Variants in DHX8 observed in about 807,000 individuals in gnomAD.
DHX8 encodes DEAH-box helicase 8, also known as ATP-dependent RNA helicase DHX8.
DHX8 carries 67 observed loss-of-function variants against 140.7 expected under a neutral mutation model. That is an observed-to-expected ratio of 0.48 (90% CI 0.39 to 0.58). The LOEUF is 0.58. Among genes scored for constraint, DHX8 ranks in the 20% least tolerant of loss-of-function variants. The pLI is 0.00. For synonymous variants in DHX8, 533 were observed against 553.2 expected (o/e 0.96, Z 0.51); for missense variants, 887 against 1,550.7 (o/e 0.57, Z 7.19).
At chr17:43,526,605 G>A (rs1430548605), downstream of DHX8, 3 of 1,535,506 alleles carry the variant, frequency 2.0e-6, no homozygotes, top group African/African-American at 1.4e-5. Context: ...TTAATGAACA[G>A]TTCAGAGGGC....
Position 43,493,754 on chromosome 17 carries a change from G to A in DHX8, c.1080G>A (p.Glu360=), listed in dbSNP as rs148880713. The A allele has an allele frequency of 1.9e-6, 3 of 1,614,230 alleles. No homozygotes were observed. The highest frequency in any genetic ancestry group is 2.7e-5 in the African/African-American group (2 of 75,062). Residue 360 remains glutamate (E), a synonymous_variant, in exon 8 of 23, where the codon GAG becomes GAA. Coordinates refer to ENST00000262415, the MANE Select transcript of DHX8 (RefSeq NM_004941.3). ...RRRNLVGETN[E]ETSMRNPDRP... Reference sequence around the variant, plus strand: ...GAAATCTTGTCGGGGAGACCAATGAGGAGACCTCAATGCGGAATCCTGATA... The same window carrying A: ...GAAATCTTGTCGGGGAGACCAATGAAGAGACCTCAATGCGGAATCCTGATA...
chr17:43,543,051 C>T (rs1208920308), intron 3 of DHX8, among the ~76,000 whole-genome samples: 3 of 152,070 alleles, frequency 2.0e-5, no homozygotes, highest in African/African-American at 7.2e-5. Flanking sequence ...CTGCATCTGT[C>T]TCCGCAGAGA....
chr17:43,508,352 C>T lies in DHX8; in HGVS notation c.2334C>T (p.Val778=), dbSNP rs753783040. 1.1e-5 allele frequency: 17 copies of T among 1,612,276 alleles called. No homozygotes were observed. The Admixed American group carries it at 1.8e-4, about 17-fold the overall frequency. ...HLTEPPGDIL[V]FLTGQEEIDT... ...TTCTGCTCGTAGGTGATATCCTGGT[C>T]TTCCTGACTGGTCAGGAAGAAATTG... Residue 778 remains valine, a synonymous_variant, in exon 16 of 23, where the codon GTC becomes GTT. Transcript: ENST00000262415.
chr17:43,496,410 A>C, intron 9 of DHX8, 142 bp downstream of exon 9: 3 of 605,474 alleles, frequency 5.0e-6, no homozygotes, highest in Admixed American at 3.2e-5. Context: ...AAAGGATCTC[A>C]CCATGATGGA....
chr17:43,508,260 T>C (rs1007247777), intron 15 of DHX8, 79 bp from the exon 16 acceptor site: 2 of 1,523,340 alleles, frequency 1.3e-6, no homozygotes, highest in African/African-American at 2.8e-5. Flanking sequence ...ATTTGAAGTT[T>C]TATTAATATC....
chr17:43,492,703 C>T lies in DHX8; in HGVS notation c.526C>T (p.Arg176Trp), dbSNP rs191977650. The T allele has an allele frequency of 2.9e-5, 45 of 1,578,270 alleles. No individual in the cohort carries two copies. Among genetic ancestry groups the T allele is most frequent in the East Asian group, 1.3e-4 (6 of 44,718 alleles). The part of the protein sequence containing the change: ...EHRDRTKKKK[R>W]SRSRDRNRDR... ...TAGGGACAGGACAAAGAAGAAGAAG[C>T]GGAGTCGAAGCCGAGATCGAAACCG... The change falls in exon 6 of 23, where the codon CGG (arginine) becomes TGG (tryptophan). Residue 176 changes from arginine (R) to tryptophan (W), a missense_variant. Physicochemically the swap from Arg to Trp is moderately radical, Grantham distance 101 (BLOSUM62 -3). This residue lies in a region of DHX8 where 304 missense variants were observed against 306.9 expected (regional missense o/e 0.99). Coordinates refer to ENST00000262415, the MANE Select transcript of DHX8 (RefSeq NM_004941.3).
At chr17:43,494,615 C>T (rs977260554) in intron 8 of DHX8, among the ~76,000 whole-genome samples, 8 of 149,548 alleles carry the variant, frequency 5.3e-5, no homozygotes, top group Non-Finnish European at 1.0e-4. Flanking sequence ...CAGCTACTCA[C>T]GACGCTGAGG....
intron 11 of DHX8, among the ~76,000 whole-genome samples, 193 bp from the exon 12 acceptor site, chr17:43,504,451 A>G (rs1401940577): frequency 6.6e-6 from 1 of 152,212 alleles, no homozygotes; most frequent in Non-Finnish European, 1.5e-5. Context: ...CACTTGTTAC[A>G]GTCTCTTTCC....
At chr17:43,518,102 C>A (rs1464456953) in intron 18 of DHX8, 3 of 152,074 alleles carry the variant, frequency 2.0e-5, no homozygotes, top group South Asian at 2.1e-4. Flanking sequence ...GTGTTCTGCT[C>A]TGAAAAAGGG....
At chr17:43,500,139 A>C (rs776054497) in intron 11 of DHX8, 36 bp downstream of exon 11, 24 of 1,601,470 alleles carry the variant, frequency 1.5e-5, no homozygotes, top group Non-Finnish European at 2.0e-5. Flanking sequence ...ACCTTGTTTA[A>C]AAATCTGAGC....
intron 22 of DHX8, 112 bp downstream of exon 22, chr17:43,522,338 C>T (rs1598179165): frequency 9.6e-7 from 1 of 1,038,718 alleles, no homozygotes; most frequent in East Asian, 2.5e-5. Context: ...CCTAGTATAA[C>T]ACTGCTTGCC....
At chr17:43,540,190 C>T (rs574443056) in intron 3 of DHX8, among the ~76,000 whole-genome samples, 162 of 152,306 alleles carry the variant, frequency 1.1e-3, no homozygotes, top group South Asian at 2.7e-3. Flanking sequence ...TGGTGGCTCA[C>T]GCCTGTAATC....
intron 18 of DHX8, 140 bp downstream of exon 18, chr17:43,517,462 C>A: frequency 1.0e-6 from 1 of 986,506 alleles, no homozygotes; most frequent in Non-Finnish European, 1.4e-6. Context: ...ATGCAAATGG[C>A]TGTGATAACA....
At chr17:43,529,919 G>T (rs745675283), downstream of DHX8, 10 of 1,614,078 alleles carry the variant, frequency 6.2e-6, no homozygotes, top group African/African-American at 1.3e-5. Flanking sequence ...GACATCATCT[G>T]GGAATGGTCG....
chr17:43,504,488 T>G (rs1210971257), intron 11 of DHX8, among the ~76,000 whole-genome samples, 156 bp from the exon 12 acceptor site: 4 of 152,238 alleles, frequency 2.6e-5, no homozygotes, highest in Non-Finnish European at 5.9e-5. Context: ...TTCTATATTC[T>G]TTTCTTCACA....
At chr17:43,495,498 A>G (rs1968803656) in intron 8 of DHX8, among the ~76,000 whole-genome samples, 1 of 151,890 alleles carries the variant, frequency 6.6e-6, no homozygotes. Context: ...GCTCATCTCA[A>G]ACTCCTGGGC....
chr17:43,532,930 G>A (rs1971026482), intron 2 of DHX8: 2 of 1,570,896 alleles, frequency 1.3e-6, no homozygotes, highest in African/African-American at 2.7e-5. Context: ...GGGGCTGCTG[G>A]AAGACGGAGC....
In DHX8 at chr17:43,522,127, C is replaced by T; in HGVS notation, c.3344C>T (p.Ala1115Val). The change falls in exon 22 of 23, where the codon GCT (alanine) becomes GTT (valine). Residue 1115 changes from alanine to valine, a missense_variant. Ala to Val is a moderately conservative substitution (Grantham distance 64). Transcript: ENST00000262415. ...KAICSGFFRN[A>V]AKKDPQEGYR... ...ATCTGCAGTGGGTTCTTCCGTAATGCTGCCAAGAAAGACCCGCAGGAGGGT... is the reference window on the plus strand; with the variant it reads ...ATCTGCAGTGGGTTCTTCCGTAATGTTGCCAAGAAAGACCCGCAGGAGGGT... The T allele has an allele frequency of 2.5e-6, 4 of 1,614,134 alleles. No homozygotes were observed. Among genetic ancestry groups the T allele is most frequent in the Non-Finnish European group, 3.4e-6 (4 of 1,180,014 alleles).
intron 1 of DHX8, among the ~76,000 whole-genome samples, chr17:43,486,730 T>C (rs1269784178): frequency 6.6e-6 from 1 of 151,888 alleles, no homozygotes; most frequent in African/African-American, 2.4e-5. Context: ...ATACAAAAAT[T>C]AGCAGGGCGT....
Sources: allele counts gnomAD v4.1 joint callset (sites outside exome capture counted in the v4.1 genomes callset), GRCh38; gene constraint gnomAD v4.1.1; regional missense constraint gnomAD v4.1.1; transcripts MANE v1.5; gene names NCBI Gene and HGNC (gene_info 2026-07-23, HGNC 2026-07-21).